COBL: variants seen among roughly 807,000 people sequenced by gnomAD.
The protein encoded by COBL is cordon-bleu WH2 repeat protein.
A neutral mutation model predicts 98.8 loss-of-function variants in COBL; 51 were observed. The ratio of observed to expected loss-of-function variants is 0.52; its 90% CI spans 0.41 to 0.65. The LOEUF is 0.65. COBL is among the 30% of genes least tolerant of loss of function. The pLI is 0.00. For synonymous variants in COBL, 634 were observed against 651.7 expected (o/e 0.97, Z 0.41); for missense variants, 1,617 against 1,617.5 (o/e 1.00, Z 0.01).
chr7:51,020,366 G>A (rs866361377), intron 12 of COBL, among the ~76,000 whole-genome samples: 3 of 152,102 alleles, frequency 2.0e-5, no homozygotes, highest in South Asian at 2.1e-4. Flanking sequence ...AGCAGACCCC[G>A]CACCCCTGCC....
chr7:51,174,807 G>C (rs752021589), intron 5 of COBL, among the ~76,000 whole-genome samples: 3 of 152,176 alleles, frequency 2.0e-5, no homozygotes, highest in Non-Finnish European at 1.5e-5. Context: ...TCTCTCCAAG[G>C]CAACCTGAAA....
At chr7:51,232,924 G>C (rs570792391) in intron 1 of COBL, among the ~76,000 whole-genome samples, 1 of 152,324 alleles carries the variant, frequency 6.6e-6, no homozygotes, top group South Asian at 2.1e-4. Context: ...CACATGAAAA[G>C]TACCAGAGAC....
chr7:51,250,165 C>T (rs1796610052), intron 1 of COBL, among the ~76,000 whole-genome samples: 1 of 152,072 alleles, frequency 6.6e-6, no homozygotes, highest in Non-Finnish European at 1.5e-5. Context: ...CACCAGCTGG[C>T]CAGCCTGGTA....
At chr7:51,057,884 A>T (rs1008550480) in intron 7 of COBL, among the ~76,000 whole-genome samples, 1 of 152,148 alleles carries the variant, frequency 6.6e-6, no homozygotes, top group African/African-American at 2.4e-5. Context: ...CATGCCCTGA[A>T]AGGATAGATG....
chr7:51,269,722 A>C (rs570262070), intron 1 of COBL, among the ~76,000 whole-genome samples: 1 of 152,218 alleles, frequency 6.6e-6, no homozygotes, highest in East Asian at 1.9e-4. Flanking sequence ...GGAAAGGGAA[A>C]CTGCTTTTCT....
At chr7:51,053,748 C>T (rs767998664) in intron 7 of COBL, among the ~76,000 whole-genome samples, 15 of 152,222 alleles carry the variant, frequency 9.9e-5, no homozygotes, top group South Asian at 2.1e-4. Flanking sequence ...CGGCCGGGCC[C>T]GGCCAATCTT....
At chr7:51,295,106 T>C (rs1318555596) in intron 1 of COBL, among the ~76,000 whole-genome samples, 1 of 151,828 alleles carries the variant, frequency 6.6e-6, no homozygotes, top group African/African-American at 2.4e-5. Context: ...GGCCAACGTG[T>C]TGAAACCCCA....
chr7:51,178,961 A>G (rs1362124916), intron 5 of COBL, among the ~76,000 whole-genome samples: 1 of 152,198 alleles, frequency 6.6e-6, no homozygotes, highest in Non-Finnish European at 1.5e-5. Flanking sequence ...AATCTTTGAA[A>G]AAAATCACTT....
intron 2 of COBL, among the ~76,000 whole-genome samples, chr7:51,205,511 A>G (rs974411134): frequency 1.3e-5 from 2 of 152,220 alleles, no homozygotes; most frequent in Middle Eastern, 3.4e-3. Flanking sequence ...CAGAAAAAAA[A>G]AAACTCAAAA....
At chr7:51,052,659 A>AG (rs1790356514) in intron 7 of COBL, among the ~76,000 whole-genome samples, 1 of 152,212 alleles carries the variant, frequency 6.6e-6, no homozygotes, top group African/African-American at 2.4e-5. Flanking sequence ...CCTCAGAAAG[A>AG]GAGGTTCAGG....
intron 5 of COBL, among the ~76,000 whole-genome samples, chr7:51,139,852 C>T (rs1401493442): frequency 3.9e-5 from 6 of 152,156 alleles, no homozygotes; most frequent in Admixed American, 3.9e-4. Context: ...TGCATGCAGT[C>T]TGGAGTCAAA....
intron 1 of COBL, among the ~76,000 whole-genome samples, chr7:51,307,695 C>T (rs747098384): frequency 6.6e-6 from 1 of 152,234 alleles, no homozygotes; most frequent in South Asian, 2.1e-4. Context: ...GTTTTCCTTA[C>T]TTTTCTGTTG....
At chr7:51,042,070 A>G (rs972058092) in intron 8 of COBL, among the ~76,000 whole-genome samples, 22 of 152,246 alleles carry the variant, frequency 1.4e-4, no homozygotes, top group African/African-American at 5.3e-4. Context: ...ATCACACCCA[A>G]AAATAAACCC....
chr7:51,055,867 A>G (rs1244115461), intron 7 of COBL, among the ~76,000 whole-genome samples: 1 of 152,230 alleles, frequency 6.6e-6, no homozygotes, highest in Non-Finnish European at 1.5e-5. Flanking sequence ...GCTGTCTCCA[A>G]CAACAGGCGC....
At chr7:51,243,657 C>T (rs1218448380) in intron 1 of COBL, among the ~76,000 whole-genome samples, 1 of 152,020 alleles carries the variant, frequency 6.6e-6, no homozygotes, top group Non-Finnish European at 1.5e-5. Context: ...TGGAAGGTCA[C>T]GTACAGTATG....
intron 5 of COBL, among the ~76,000 whole-genome samples, chr7:51,158,276 C>A (rs145816117): frequency 6.6e-6 from 1 of 151,650 alleles, no homozygotes; most frequent in South Asian, 2.1e-4. Context: ...TGAATTGGTA[C>A]CATGCAAAAT....
At chr7:51,243,923 C>T (rs911665786) in intron 1 of COBL, among the ~76,000 whole-genome samples, 9 of 152,114 alleles carry the variant, frequency 5.9e-5, no homozygotes, top group African/African-American at 1.9e-4. Context: ...GACACAACCA[C>T]GGGGAAACTG....
chr7:51,038,234 C>A lies in COBL; in HGVS notation c.1406+5149G>T, dbSNP rs532604639. 8.5e-5 allele frequency among the ~76,000 whole-genome samples: 13 copies of A among 152,276 alleles called. 1 individual carries two copies. The South Asian group carries it at 2.7e-3, about 32-fold the overall frequency. The stretch of plus-strand genomic sequence containing the variant: ...GACTCTTCAATTTAATGCCTTGGCT[C>A]CAAGGACACCGAATGGAGCCCACCA... On this transcript the variant is annotated intron_variant, in intron 8 of 12. Coordinates refer to ENST00000265136, the MANE Select transcript of COBL (RefSeq NM_015198.5).
chr7:51,168,929 G>C (rs1326505998), intron 5 of COBL, among the ~76,000 whole-genome samples: 3 of 152,036 alleles, frequency 2.0e-5, no homozygotes, highest in Non-Finnish European at 2.9e-5. Context: ...AAATTCTAAG[G>C]CTCCCTAACC....
Sources: allele counts gnomAD v4.1 joint callset (sites outside exome capture counted in the v4.1 genomes callset), GRCh38; gene constraint gnomAD v4.1.1; transcripts MANE v1.5; gene names NCBI Gene and HGNC (gene_info 2026-07-23, HGNC 2026-07-21).